PUM2: variants seen among roughly 807,000 people sequenced by gnomAD.
PUM2 encodes the protein pumilio homolog 2.
Under a neutral mutation model 124.5 loss-of-function variants are expected in PUM2, and 57 were observed. That is an observed-to-expected ratio of 0.46 (90% CI 0.37 to 0.57). The LOEUF (loss-of-function observed/expected upper bound fraction) is 0.57. Ranked by LOEUF, PUM2 falls within the 20% of genes least tolerant of loss-of-function variation. The pLI, the probability that PUM2 is intolerant of heterozygous loss-of-function variation, is 0.00. For missense variants in PUM2, 1,065 were observed against 1,290.6 expected (o/e 0.83, Z 2.68); for synonymous variants, 460 against 446.1 (o/e 1.03, Z -0.39).
At chr2:20,277,556 C>A (rs1215208167) in intron 13 of PUM2, among the ~76,000 whole-genome samples, 1 of 152,072 alleles carries the variant, frequency 6.6e-6, no homozygotes, top group Non-Finnish European at 1.5e-5. Flanking sequence ...TCAAAATGAA[C>A]ACTGCAACAG....
intron 2 of PUM2, among the ~76,000 whole-genome samples, chr2:20,323,084 A>G (rs1367025017): frequency 3.9e-5 from 6 of 152,170 alleles, no homozygotes; most frequent in Admixed American, 1.3e-4. Flanking sequence ...TTCAAGTACT[A>G]TTATGTGGCC....
intron 13 of PUM2, among the ~76,000 whole-genome samples, chr2:20,269,203 A>T (rs116535924): frequency 0.039 from 5,920 of 151,526 alleles, 118 homozygotes; most frequent in Middle Eastern, 0.072. Flanking sequence ...TAATAATAAT[A>T]ATTATTATTA....
At chr2:20,314,918 G>T (rs1236702390) in intron 3 of PUM2, among the ~76,000 whole-genome samples, 1 of 150,304 alleles carries the variant, frequency 6.7e-6, no homozygotes, top group Non-Finnish European at 1.5e-5. Context: ...GATACTATGA[G>T]ATCTGAAAGA....
chr2:20,265,895 C>T lies in PUM2; in HGVS notation c.1958-2435G>A, dbSNP rs77758782. Among the ~76,000 whole-genome samples the T allele has an allele frequency of 6.6e-3, 998 of 152,174 alleles. 6 individuals carry two copies. Among genetic ancestry groups the T allele is most frequent in the African/African-American group, 0.022 (922 of 41,520 alleles). ...CTTAATGCATTAAAGATTTTCGACACCAAATTCAAAATACGTACTCACCCC... is the reference window on the plus strand; with the variant it reads ...CTTAATGCATTAAAGATTTTCGACATCAAATTCAAAATACGTACTCACCCC... On this transcript the variant is annotated intron_variant, in intron 13 of 20. Coordinates refer to ENST00000361078, the MANE Select transcript of PUM2 (RefSeq NM_015317.5).
chr2:20,255,870 C>T (rs1664646865), intron 17 of PUM2, among the ~76,000 whole-genome samples, 163 bp downstream of exon 17: 1 of 141,662 alleles, frequency 7.1e-6, no homozygotes, highest in South Asian at 2.2e-4. Flanking sequence ...AAGCTATCTA[C>T]TGACTATGAA....
chr2:20,291,783 C>G (rs1199504452), intron 9 of PUM2, among the ~76,000 whole-genome samples: 1 of 152,020 alleles, frequency 6.6e-6, no homozygotes, highest in Non-Finnish European at 1.5e-5. Flanking sequence ...ATGTGCTACT[C>G]TGAACTGCTC....
At chr2:20,310,731 C>T (rs1572859142) in intron 5 of PUM2, among the ~76,000 whole-genome samples, 1 of 151,866 alleles carries the variant, frequency 6.6e-6, no homozygotes, top group African/African-American at 2.4e-5. Context: ...ATGTAAGATT[C>T]CATGGTCATA....
At chr2:20,261,077 T>A (rs1190572978) in intron 14 of PUM2, among the ~76,000 whole-genome samples, 4 of 152,120 alleles carry the variant, frequency 2.6e-5, no homozygotes. Context: ...GACATAAACC[T>A]ACTGCACTGT....
chr2:20,311,675 G>C lies in PUM2; in HGVS notation c.349-12C>G, dbSNP rs372322143. 1.1e-5 allele frequency: 18 copies of C among 1,605,252 alleles called. No homozygotes were observed. The highest frequency in any genetic ancestry group is 4.0e-5 in the African/African-American group (3 of 74,228). ...GCATCTCTAGTGCCCTGAGGAAAAA[G>C]AATCTGTTTGATTCTGAATATTTAA... On this transcript the variant is annotated splice_polypyrimidine_tract_variant and intron_variant, in intron 4 of 20. Coordinates refer to ENST00000361078, the MANE Select transcript of PUM2 (RefSeq NM_015317.5).
chr2:20,297,695 G>T lies in PUM2; in HGVS notation c.884-17C>A. On this transcript the variant is annotated splice_polypyrimidine_tract_variant and intron_variant, in intron 7 of 20. Coordinates refer to ENST00000361078, the MANE Select transcript of PUM2 (RefSeq NM_015317.5). ...ATACACCAGCTATATTTTAAAAGGG[G>T]AGAAATAATAAACAACAATGTAAAG... is the stretch of plus-strand genomic sequence containing the variant. 6.3e-7 allele frequency: 1 copy of T among 1,597,532 alleles called. No individual in the cohort carries two copies. Among genetic ancestry groups the T allele is most frequent in the South Asian group, 1.1e-5 (1 of 89,100 alleles).
chr2:20,338,134 C>T (rs764960233), intron 1 of PUM2, among the ~76,000 whole-genome samples: 3 of 152,166 alleles, frequency 2.0e-5, no homozygotes, highest in Non-Finnish European at 4.4e-5. Context: ...TGGTGGCTCA[C>T]GCCTGTAATC....
At chr2:20,284,638 A>T (rs1005429287) in intron 10 of PUM2, among the ~76,000 whole-genome samples, 2 of 152,184 alleles carry the variant, frequency 1.3e-5, no homozygotes, top group Non-Finnish European at 2.9e-5. Context: ...TCCTTTAAGA[A>T]GTTTTTAAAA....
intron 16 of PUM2, 143 bp downstream of exon 16, chr2:20,258,100 T>C (rs1665245886): frequency 8.4e-6 from 6 of 710,232 alleles, no homozygotes; most frequent in Non-Finnish European, 1.3e-5. Context: ...TAGTGTGCTA[T>C]TTAGGACACA....
chr2:20,295,261 A>C (rs1675237473), intron 8 of PUM2, among the ~76,000 whole-genome samples: 1 of 152,214 alleles, frequency 6.6e-6, no homozygotes, highest in South Asian at 2.1e-4. Context: ...ATGCACAATA[A>C]GCTTCACCAT....
chr2:20,312,347 T>C lies in PUM2; in HGVS notation c.237A>G (p.Ala79=). 2 of 1,613,478 alleles carry C rather than the reference T, an allele frequency of 1.2e-6. No homozygotes were observed. The highest frequency in any genetic ancestry group is 1.7e-6 in the Non-Finnish European group (2 of 1,179,464). The part of the protein sequence containing the change: ...QGFHGNSEVN[A]ILSPRSESGG... Reference sequence around the variant, plus strand: ...CACTTTCTGATCGCGGAGACAGTATTGCATTTACTTCACTGTTTCCATGAA... The same window carrying C: ...CACTTTCTGATCGCGGAGACAGTATCGCATTTACTTCACTGTTTCCATGAA... Residue 79 remains alanine, a synonymous_variant, in exon 4 of 21, where the codon GCA becomes GCG. Transcript: ENST00000361078.
At chr2:20,303,566 G>A (rs1438826779) in intron 7 of PUM2, among the ~76,000 whole-genome samples, 3 of 151,348 alleles carry the variant, frequency 2.0e-5, no homozygotes, top group Non-Finnish European at 2.9e-5. Flanking sequence ...GAAAAATCAC[G>A]TCTCCATTTA....
intron 3 of PUM2, among the ~76,000 whole-genome samples, chr2:20,315,836 C>CAAAAAAAAA (rs60828412): frequency 4.1e-5 from 3 of 72,318 alleles, no homozygotes; most frequent in East Asian, 4.6e-4. Context: ...AACCTGGTCT[C>CAAAAAAAAA]AAAAAAAAAA....
chr2:20,351,186 C>G (rs184608272), upstream of PUM2, among the ~76,000 whole-genome samples: 1 of 152,292 alleles, frequency 6.6e-6, no homozygotes, highest in African/African-American at 2.4e-5. Flanking sequence ...GGCTTCCTAC[C>G]CGGTTGCTCA....
At chr2:20,289,992 T>C (rs1312302540) in intron 10 of PUM2, among the ~76,000 whole-genome samples, 3 of 152,202 alleles carry the variant, frequency 2.0e-5, no homozygotes, top group Non-Finnish European at 4.4e-5. Flanking sequence ...CTTTAAAGTT[T>C]AAAAACAAAT....
Sources: gnomAD v4.1 joint callset for allele counts (sites outside exome capture counted in the v4.1 genomes callset) on GRCh38, gnomAD v4.1.1 for gene constraint, MANE v1.5 for transcripts, NCBI Gene and HGNC (gene_info 2026-07-23, HGNC 2026-07-21) for gene names.